Variants in ESR1 observed in about 807,000 individuals in gnomAD.
The protein encoded by ESR1 is estrogen receptor 1.
Under a neutral mutation model 52.7 loss-of-function variants are expected in ESR1, and 12 were observed. That is an observed-to-expected ratio of 0.23 (90% CI 0.15 to 0.37). The LOEUF (loss-of-function observed/expected upper bound fraction) is 0.37. Ranked by LOEUF, ESR1 falls within the 10% of genes least tolerant of loss-of-function variation. ESR1 has a pLI of 1.00. For missense variants in ESR1, 584 were observed against 779.7 expected (o/e 0.75, Z 2.99); for synonymous variants, 305 against 316.8 (o/e 0.96, Z 0.39).
At chr6:151,981,168 G>T (rs758169192) in intron 4 of ESR1, among the ~76,000 whole-genome samples, 5 of 152,176 alleles carry the variant, frequency 3.3e-5, no homozygotes, top group Non-Finnish European at 7.3e-5. Flanking sequence ...AGTGGTTCTA[G>T]TCTTGTTCAT....
intron 2 of ESR1, among the ~76,000 whole-genome samples, chr6:151,778,628 A>G (rs1786243851): frequency 6.6e-6 from 1 of 151,192 alleles, no homozygotes; most frequent in Admixed American, 6.6e-5. Context: ...CTGGTCTCGA[A>G]CTCCTAACCT....
chr6:152,058,099 G>A (rs2047248857), intron 5 of ESR1, among the ~76,000 whole-genome samples: 5 of 152,076 alleles, frequency 3.3e-5, no homozygotes, highest in Admixed American at 3.3e-4. Flanking sequence ...ACGTTATACT[G>A]AGAAAGGAAC....
chr6:152,019,656 T>C (rs2043459532), intron 5 of ESR1, among the ~76,000 whole-genome samples: 1 of 152,228 alleles, frequency 6.6e-6, no homozygotes, highest in African/African-American at 2.4e-5. Flanking sequence ...TAAAGTATAA[T>C]CAAAATAATA....
intron 4 of ESR1, among the ~76,000 whole-genome samples, chr6:151,999,155 T>G (rs2041747733): frequency 6.6e-6 from 1 of 152,132 alleles, no homozygotes; most frequent in South Asian, 2.1e-4. Flanking sequence ...ACATGTATTT[T>G]GGAGGTTTTA....
intron 4 of ESR1, among the ~76,000 whole-genome samples, chr6:151,979,201 C>T (rs9340936): frequency 0.028 from 4,303 of 152,142 alleles, 104 homozygotes; most frequent in East Asian, 0.11. Context: ...TCTCCAAATA[C>T]GGTCCCATTT....
rs1009023246 is a variant in ESR1 at position 151,659,102 on chromosome 6, C to T, written n.73+2339C>T. On this transcript the variant is annotated intron_variant and non_coding_transcript_variant, in intron 1 of 2. Transcript: ENST00000473497. ...GATCTCGGCTCACCGCAACCTCCGC[C>T]TCCTGGGTTCAAGTGATTCTCCTGC... 2.6e-5 allele frequency among the ~76,000 whole-genome samples: 4 copies of T among 151,532 alleles called. No individual in the cohort carries two copies. In the East Asian group the frequency reaches 7.8e-4, roughly 30 times the overall value.
At chr6:152,042,476 A>T (rs554764344) in intron 5 of ESR1, among the ~76,000 whole-genome samples, 2 of 152,266 alleles carry the variant, frequency 1.3e-5, no homozygotes, top group East Asian at 3.9e-4. Context: ...CCCTTTCCCC[A>T]GTGCACAGTT....
chr6:152,040,127 C>T (rs187112986), intron 5 of ESR1, among the ~76,000 whole-genome samples: 1 of 152,250 alleles, frequency 6.6e-6, no homozygotes, highest in East Asian at 1.9e-4. Flanking sequence ...CTGATCACCC[C>T]GAGGAATGGT....
At chr6:151,881,363 T>C (rs9322340) in intron 3 of ESR1, among the ~76,000 whole-genome samples, 118,544 of 152,118 alleles carry the variant, frequency 0.78, 46,695 homozygotes, top group African/African-American at 0.87. Context: ...AGAGCATGCA[T>C]GGTTTGTGAC....
intron 4 of ESR1, among the ~76,000 whole-genome samples, chr6:151,972,311 G>A (rs1230660160): frequency 6.6e-6 from 1 of 152,054 alleles, no homozygotes; most frequent in African/African-American, 2.4e-5. Context: ...TATGAAGCCA[G>A]TATCACCCTA....
chr6:151,837,516 G>A (rs1187041907), intron 1 of ESR1, among the ~76,000 whole-genome samples: 3 of 152,146 alleles, frequency 2.0e-5, no homozygotes, highest in Admixed American at 2.0e-4. Flanking sequence ...CAGTGGTATT[G>A]TGTCTTTTTT....
At chr6:151,947,377 CAGTTCTAGAAATACCCAG>C (rs2035824755) in intron 4 of ESR1, among the ~76,000 whole-genome samples, 1 of 152,114 alleles carries the variant, frequency 6.6e-6, no homozygotes, top group Non-Finnish European at 1.5e-5. Context: ...AGCAAAATTT[CAGTTCTAGAAATACCCAG>C]AATTAGCTAT....
rs572294995 is a variant in ESR1, at chr6:152,117,272, G to C, written c.851-7994G>C. Among the ~76,000 whole-genome samples the C allele has an allele frequency of 1.3e-3, 205 of 152,304 alleles. 3 individuals carry two copies. Among genetic ancestry groups the C allele is most frequent in the Middle Eastern group, 0.01 (3 of 294 alleles). On this transcript the variant is annotated intron_variant, in intron 6 of 6. Transcript: ENST00000427531. ...CTGCCTGGAATTGCTGTCGAAGTTG[G>C]CAGCTGCTTGGCAGCTTTGCTTTCT...
chr6:152,064,627 GT>G lies in ESR1; in HGVS notation c.1369+3510del, dbSNP rs575751117. 1.8e-3 allele frequency among the ~76,000 whole-genome samples: 276 copies of G among 152,134 alleles called. 2 individuals are homozygous for G. Among genetic ancestry groups the G allele is most frequent in the African/African-American group, 6.4e-3 (264 of 41,510 alleles). On this transcript the variant is annotated intron_variant, in intron 6 of 7. Transcript: ENST00000206249. ...AAACTGAATGTTACTGTTGTGTGGG[GT>G]TTTTTTCTTTGCATTTTTAAAGTTA...
rs2050912968 is a variant in ESR1 at position 152,100,144 on chromosome 6, CT to C, written c.*1181del. On this transcript the variant is annotated 3_prime_UTR_variant, in exon 8 of 8. Transcript: ENST00000206249. ...CATTCCTTGCAGACCCCGCATTGCC[CT>C]TTGGGGGTGCCCTGGGATCCCTGGG... The C allele has an allele frequency of 1.0e-5, 4 of 398,716 alleles. No individual in the cohort carries two copies. Among genetic ancestry groups the C allele is most frequent in the Non-Finnish European group, 1.8e-5 (4 of 226,166 alleles). The allele number at this position is 398,716 out of a possible 1,614,324, so 24.7% of individuals were successfully genotyped here.
intron 2 of ESR1, among the ~76,000 whole-genome samples, chr6:151,782,716 C>T (rs1173725574): frequency 2.0e-5 from 3 of 152,264 alleles, no homozygotes; most frequent in Non-Finnish European, 4.4e-5. Flanking sequence ...TGGCTCTCCT[C>T]CAGAAATCTA....
intron 2 of ESR1, among the ~76,000 whole-genome samples, chr6:151,721,455 T>C (rs1026236954): frequency 1.3e-5 from 2 of 152,144 alleles, no homozygotes; most frequent in Admixed American, 1.3e-4. Context: ...TGATGGATAA[T>C]TGATGGAGCG....
At chr6:151,732,682 T>G (rs1312203749) in intron 2 of ESR1, among the ~76,000 whole-genome samples, 2 of 152,196 alleles carry the variant, frequency 1.3e-5, no homozygotes, top group Admixed American at 1.3e-4. Context: ...AGAATTAACT[T>G]CTATGATAAA....
At chr6:152,078,786 C>G (rs748753252) in intron 6 of ESR1, among the ~76,000 whole-genome samples, 3 of 152,242 alleles carry the variant, frequency 2.0e-5, no homozygotes, top group Non-Finnish European at 4.4e-5. Flanking sequence ...GCACTTTTCC[C>G]CACAGTCTTG....
Sources: gnomAD v4.1 joint callset for allele counts (sites outside exome capture counted in the v4.1 genomes callset) on GRCh38, gnomAD v4.1.1 for gene constraint, MANE v1.5 for transcripts, NCBI Gene and HGNC (gene_info 2026-07-23, HGNC 2026-07-21) for gene names.